Variants in ATAD2B observed in about 807,000 individuals in gnomAD.
ATAD2B encodes the protein ATPase family AAA domain-containing protein 2B.
ATAD2B carries 40 observed loss-of-function variants against 167.6 expected under a neutral mutation model. The ratio of observed to expected loss-of-function variants is 0.24; its 90% CI spans 0.19 to 0.31. The LOEUF is 0.31. Among genes scored for constraint, ATAD2B ranks in the 10% least tolerant of loss-of-function variants. The pLI, the probability that ATAD2B is intolerant of heterozygous loss-of-function variation, is 1.00. For missense variants in ATAD2B, 1,242 were observed against 1,757.2 expected, an observed-to-expected ratio of 0.71 and a Z score of 5.24; for synonymous variants, 579 against 596.5, an observed-to-expected ratio of 0.97 and a Z score of 0.43.
At chr2:23,706,478 C>T in the ATAD2B span, 1 of 1,493,676 alleles carries the variant, frequency 6.7e-7, no homozygotes, top group South Asian at 1.3e-5. Context: ...TTTCCCCCAA[C>T]AGTGCTGTGG....
intron 8 of ATAD2B, among the ~76,000 whole-genome samples, chr2:23,870,189 A>C: frequency 6.7e-6 from 1 of 149,078 alleles, no homozygotes. Flanking sequence ...CCTGGGTGAC[A>C]GAGCAAGACT....
At chr2:23,876,599 C>G (rs1277116482) in intron 7 of ATAD2B, among the ~76,000 whole-genome samples, 2 of 152,086 alleles carry the variant, frequency 1.3e-5, no homozygotes, top group Non-Finnish European at 2.9e-5. Flanking sequence ...TGTGCCCGGC[C>G]CCTGTTAACT....
At chr2:23,855,053 G>A (rs1000195234) in intron 13 of ATAD2B, among the ~76,000 whole-genome samples, 6 of 152,098 alleles carry the variant, frequency 3.9e-5, no homozygotes, top group Admixed American at 2.6e-4. Context: ...AATTAGCCGG[G>A]CATGGTGGTG....
chr2:23,691,467 G>C, the ATAD2B span: 1 of 598,154 alleles, frequency 1.7e-6, no homozygotes, highest in Non-Finnish European at 3.0e-6. Flanking sequence ...TGATAAGCAG[G>C]GTTTTCTGTT....
the ATAD2B span, among the ~76,000 whole-genome samples, chr2:23,734,361 T>G: frequency 6.6e-6 from 1 of 152,118 alleles, no homozygotes; most frequent in Non-Finnish European, 1.5e-5. Context: ...GGTTTTACCA[T>G]GTTGCCCAGG....
intron 13 of ATAD2B, among the ~76,000 whole-genome samples, chr2:23,854,609 C>T (rs190010117): frequency 5.5e-4 from 81 of 148,322 alleles, no homozygotes; most frequent in Non-Finnish European, 7.6e-4. Context: ...ACCTGGCAGG[C>T]GGCGGTTGCA....
rs1000616791 is a variant in ATAD2B, at chr2:23,782,977, T to C, written c.3025A>G (p.Ile1009Val). The change falls in exon 22 of 28, where the codon ATA becomes GTA. Residue 1009 changes from isoleucine to valine, a missense_variant. Around this residue, in one of 9 missense-constraint regions of ATAD2B, gnomAD observed 204 missense variants for 324.0 expected, o/e 0.63. Transcript: ENST00000238789. ...IKEPMDLSTV[I>V]TKIDKHNYLT... The stretch of plus-strand genomic sequence containing the variant: ...TAATTATGTTTATCAATTTTAGTTA[T>C]TACTGTTGATAAGTCCATTGGTTCC... 4 of 1,581,550 alleles carry C rather than the reference T, an allele frequency of 2.5e-6. No homozygotes were observed. Among genetic ancestry groups the C allele is most frequent in the South Asian group, 2.2e-5 (2 of 89,938 alleles).
At chr2:23,793,932 T>C (rs1012975657) in intron 19 of ATAD2B, among the ~76,000 whole-genome samples, 3 of 152,198 alleles carry the variant, frequency 2.0e-5, no homozygotes, top group Admixed American at 6.5e-5. Context: ...ATAAAACATA[T>C]ATTCTTTTGA....
chr2:23,838,382 C>T (rs915947360), intron 13 of ATAD2B, among the ~76,000 whole-genome samples: 3 of 151,728 alleles, frequency 2.0e-5, no homozygotes, highest in African/African-American at 7.3e-5. Context: ...AGTCTTCAGA[C>T]GATAAAGTCT....
Position 23,863,364 on chromosome 2 carries a change from TA to T in ATAD2B, c.1479+16del. On this transcript the variant is annotated intron_variant, in intron 12 of 27. Coordinates refer to ENST00000238789, the MANE Select transcript of ATAD2B (RefSeq NM_017552.4). ...AACAGAACAGAAAAGACTCTTGAATTAGATGATTTCTCTTACCTGATCAAAA... is the reference window on the plus strand; with the variant it reads ...AACAGAACAGAAAAGACTCTTGAATTGATGATTTCTCTTACCTGATCAAAA... 6.5e-7 allele frequency: 1 copy of T among 1,546,108 alleles called. No homozygotes were observed.
intron 18 of ATAD2B, among the ~76,000 whole-genome samples, chr2:23,807,222 A>G (rs1344353665): frequency 2.6e-5 from 4 of 152,202 alleles, no homozygotes; most frequent in African/African-American, 7.2e-5. Context: ...AAAGCAGAAA[A>G]AACATCTAAG....
At chr2:23,758,527 C>T (rs1676225743) in intron 24 of ATAD2B, among the ~76,000 whole-genome samples, 1 of 152,200 alleles carries the variant, frequency 6.6e-6, no homozygotes, top group East Asian at 1.9e-4. Flanking sequence ...CAAAAGGTAG[C>T]TCCTAAATCA....
intron 24 of ATAD2B, among the ~76,000 whole-genome samples, chr2:23,759,403 T>C (rs1399097985): frequency 1.3e-5 from 2 of 152,196 alleles, no homozygotes; most frequent in Non-Finnish European, 2.9e-5. Flanking sequence ...ATATGGTCTT[T>C]TAATGACAAC....
At chr2:23,805,955 A>T (rs1277815087) in intron 18 of ATAD2B, among the ~76,000 whole-genome samples, 1 of 152,162 alleles carries the variant, frequency 6.6e-6, no homozygotes, top group Non-Finnish European at 1.5e-5. Flanking sequence ...TACTGATTTT[A>T]AGGTATTTGC....
At chr2:23,709,675 G>A in the ATAD2B span, among the ~76,000 whole-genome samples, 3 of 152,052 alleles carry the variant, frequency 2.0e-5, no homozygotes, top group African/African-American at 7.2e-5. Context: ...GGTCAGGGTA[G>A]GCGAGAGAGG....
intron 2 of ATAD2B, among the ~76,000 whole-genome samples, chr2:23,893,666 A>AATTT: frequency 7.0e-6 from 1 of 142,922 alleles, no homozygotes; most frequent in Non-Finnish European, 1.5e-5. Context: ...AAAAAAAAAA[A>AATTT]CTTTTTTTTT....
chr2:23,722,080 A>G, the ATAD2B span, among the ~76,000 whole-genome samples: 23 of 152,360 alleles, frequency 1.5e-4, no homozygotes, highest in African/African-American at 4.8e-4. Context: ...CTGATATGAC[A>G]TGACCCATTC....
At chr2:23,790,822 T>G (rs531695109) in intron 19 of ATAD2B, among the ~76,000 whole-genome samples, 29 of 152,354 alleles carry the variant, frequency 1.9e-4, no homozygotes, top group African/African-American at 6.7e-4. Context: ...CAGATGCACT[T>G]AGGCACACCT....
the ATAD2B span, among the ~76,000 whole-genome samples, chr2:23,742,037 TAA>T: frequency 2.6e-5 from 4 of 152,062 alleles, no homozygotes; most frequent in Non-Finnish European, 5.9e-5. Context: ...TGGCAATCAT[TAA>T]AAAGTCAGGA....
Sources: gnomAD v4.1 joint callset for allele counts (sites outside exome capture counted in the v4.1 genomes callset) on GRCh38, gnomAD v4.1.1 for gene constraint, gnomAD v4.1.1 regional missense constraint, MANE v1.5 for transcripts, NCBI Gene and HGNC (gene_info 2026-07-23, HGNC 2026-07-21) for gene names.